The following LRP1B variants were observed in gnomAD, a reference collection of about 807,000 sequenced individuals.
LRP1B encodes the protein LDL receptor related protein 1B.
In LRP1B, 217 loss-of-function variants were observed where a neutral mutation model predicts 556.6. That is an observed-to-expected ratio of 0.39 (90% confidence interval 0.35 to 0.44). The LOEUF (loss-of-function observed/expected upper bound fraction) is 0.44. Ranked by LOEUF, LRP1B falls within the 20% of genes least tolerant of loss-of-function variation. The probability of loss-of-function intolerance (pLI) is 1.00; values close to 1 mark genes in which losing one functional copy is unlikely to be tolerated. For synonymous variants in LRP1B, 2,047 were observed against 1,865.8 expected, an observed-to-expected ratio of 1.10 and a Z score of -2.50; for missense variants, 5,053 against 5,620.8, an observed-to-expected ratio of 0.90 and a Z score of 3.23.
chr2:141,398,163 A>G (rs1690312357), intron 3 of LRP1B, among the ~76,000 whole-genome samples: 1 of 152,186 alleles, frequency 6.6e-6, no homozygotes, highest in South Asian at 2.1e-4. Flanking sequence ...ACTTAAAAGT[A>G]TAATCTTAAG....
At chr2:141,063,544 GAATA>G (rs1359711230) in intron 7 of LRP1B, among the ~76,000 whole-genome samples, 1 of 151,678 alleles carries the variant, frequency 6.6e-6, no homozygotes, top group Non-Finnish European at 1.5e-5. Context: ...GTCTAGTGAA[GAATA>G]AATAAAGGGC....
At chr2:141,404,809 C>T (rs1354421872) in intron 3 of LRP1B, among the ~76,000 whole-genome samples, 1 of 151,832 alleles carries the variant, frequency 6.6e-6, no homozygotes, top group Admixed American at 6.6e-5. Context: ...ATTGGGTTAA[C>T]ATAAAACCTG....
In LRP1B at chr2:140,442,520, T is replaced by G. The variant is rs1433897664; in HGVS notation, c.10398A>C (p.Ser3466=). 1 of 1,613,252 alleles carries G rather than the reference T, an allele frequency of 6.2e-7. No individual in the cohort carries two copies. Among genetic ancestry groups the G allele is most frequent in the Admixed American group, 1.7e-5 (1 of 59,880 alleles). ...CDEDPDCADA[S]DEANCDKKTC... is the part of the protein sequence containing the mutation. ...GACACTCACCGCAGTTGGCCTCGTC[T>G]GATGCATCTGCACAGTCTGGATCCT... The change falls in exon 66 of 91, where the codon TCA becomes TCC. Residue 3466 remains serine (S), a synonymous_variant. Transcript: ENST00000389484.
Position 140,691,227 on chromosome 2 carries a change from T to C in LRP1B, c.6799+9023A>G, listed in dbSNP as rs576382352. Among the ~76,000 whole-genome samples, 5 of 152,196 alleles carry C rather than the reference T, an allele frequency of 3.3e-5. No individual in the cohort carries two copies. The South Asian group carries it at 1.0e-3, about 32-fold the overall frequency. On this transcript the variant is annotated intron_variant, in intron 41 of 90. Coordinates refer to ENST00000389484, the MANE Select transcript of LRP1B (RefSeq NM_018557.3). ...TGGCTCACGCCTGTAATACTAGCAC[T>C]TTGGGAGGCCAAGGCGAGTGGATCA...
chr2:141,094,806 C>T (rs572696630), intron 7 of LRP1B, among the ~76,000 whole-genome samples: 3 of 152,240 alleles, frequency 2.0e-5, no homozygotes, highest in South Asian at 2.1e-4. Flanking sequence ...TAGAAGCATT[C>T]GCTAAGGATA....
chr2:141,209,003 G>T (rs1193668518), intron 6 of LRP1B, among the ~76,000 whole-genome samples: 1 of 150,802 alleles, frequency 6.6e-6, no homozygotes, highest in East Asian at 2.0e-4. Flanking sequence ...CCAAATATTT[G>T]GGATGCTAAT....
At chr2:140,666,201 G>A (rs1685264640) in intron 41 of LRP1B, among the ~76,000 whole-genome samples, 1 of 151,136 alleles carries the variant, frequency 6.6e-6, no homozygotes, top group Non-Finnish European at 1.5e-5. Context: ...CACCATCTTG[G>A]CCAGGCTGGT....
At chr2:140,542,696 G>A (rs1680181621) in intron 43 of LRP1B, among the ~76,000 whole-genome samples, 3 of 152,102 alleles carry the variant, frequency 2.0e-5, no homozygotes, top group Admixed American at 1.3e-4. Flanking sequence ...ACACAGGACA[G>A]AAACAGAGCC....
intron 41 of LRP1B, among the ~76,000 whole-genome samples, chr2:140,682,033 A>AT (rs1685876972): frequency 6.6e-6 from 1 of 152,186 alleles, no homozygotes; most frequent in Admixed American, 6.6e-5. Flanking sequence ...TCATCAGATG[A>AT]TTTTTATGTA....
intron 3 of LRP1B, among the ~76,000 whole-genome samples, chr2:141,291,069 CA>C (rs898840806): frequency 3.3e-5 from 5 of 151,758 alleles, no homozygotes; most frequent in African/African-American, 1.2e-4. Flanking sequence ...ATTTTGTAAT[CA>C]AAAATAGAAA....
chr2:142,058,598 T>A (rs1008459299), intron 1 of LRP1B, among the ~76,000 whole-genome samples: 2 of 152,128 alleles, frequency 1.3e-5, no homozygotes, highest in African/African-American at 4.8e-5. Context: ...ATGTATTCTA[T>A]GTGTGGCCCA....
intron 3 of LRP1B, among the ~76,000 whole-genome samples, chr2:141,403,812 T>C (rs1045656698): frequency 6.6e-6 from 1 of 152,180 alleles, no homozygotes; most frequent in African/African-American, 2.4e-5. Flanking sequence ...AGTGTGGCTT[T>C]GTATTATCTC....
chr2:142,015,976 C>T (rs1265328277), intron 1 of LRP1B, among the ~76,000 whole-genome samples: 5 of 84,404 alleles, frequency 5.9e-5, no homozygotes, highest in Non-Finnish European at 9.0e-5. Flanking sequence ...TGGGCAACAG[C>T]GCGAGACTCC....
At chr2:141,996,826 C>A (rs1015492646) in intron 1 of LRP1B, among the ~76,000 whole-genome samples, 1 of 151,520 alleles carries the variant, frequency 6.6e-6, no homozygotes, top group African/African-American at 2.4e-5. Flanking sequence ...AAATAAATTA[C>A]TATTTAGTAA....
intron 7 of LRP1B, among the ~76,000 whole-genome samples, chr2:141,095,305 C>T (rs1001919439): frequency 2.4e-5 from 2 of 84,884 alleles, no homozygotes; most frequent in African/African-American, 3.8e-5. Context: ...TTGAGCAGAT[C>T]TTATAAGATG....
chr2:140,989,797 A>G (rs564661547), intron 16 of LRP1B, 140 bp from the exon 17 acceptor site: 3 of 692,258 alleles, frequency 4.3e-6, no homozygotes, highest in South Asian at 4.5e-5. Flanking sequence ...ATTGCCTTAT[A>G]TTTAATAGCA....
intron 41 of LRP1B, among the ~76,000 whole-genome samples, chr2:140,695,183 C>T (rs1489937282): frequency 6.6e-6 from 1 of 151,576 alleles, no homozygotes; most frequent in Non-Finnish European, 1.5e-5. Flanking sequence ...GTACTCACTT[C>T]TCTCTACTGG....
At chr2:140,884,694 C>T (rs1414418099) in intron 24 of LRP1B, among the ~76,000 whole-genome samples, 1 of 152,046 alleles carries the variant, frequency 6.6e-6, no homozygotes, top group Non-Finnish European at 1.5e-5. Context: ...GAATTTCTTT[C>T]ACAATTTAAA....
At chr2:141,735,709 G>T (rs1347570834) in intron 2 of LRP1B, among the ~76,000 whole-genome samples, 2 of 152,050 alleles carry the variant, frequency 1.3e-5, no homozygotes, top group Non-Finnish European at 2.9e-5. Context: ...CTTTATTTAT[G>T]GTGGGGTGGG....
Sources: allele counts gnomAD v4.1 joint callset (sites outside exome capture counted in the v4.1 genomes callset), GRCh38; gene constraint gnomAD v4.1.1; transcripts MANE v1.5; gene names NCBI Gene and HGNC (gene_info 2026-07-23, HGNC 2026-07-21).